MORC1: variants seen among roughly 807,000 people sequenced by gnomAD.
The protein encoded by MORC1 is MORC family CW-type zinc finger 1.
A neutral mutation model predicts 134.9 loss-of-function variants in MORC1; 59 were observed. The observed-to-expected ratio is 0.44, with a 90% CI of 0.35 to 0.54. The LOEUF (loss-of-function observed/expected upper bound fraction) is 0.54, where lower values mean the gene tolerates loss of function less well. Ranked by LOEUF, MORC1 falls within the 20% of genes least tolerant of loss-of-function variation. The pLI is 0.00. For missense variants in MORC1, 947 were observed against 1,134.5 expected (o/e 0.83, Z 2.37); for synonymous variants, 395 against 391.7 (o/e 1.01, Z -0.10).
chr3:109,110,438 G>T, intron 3 of MORC1: 1 of 266,596 alleles, frequency 3.8e-6, no homozygotes, highest in Non-Finnish European at 7.0e-6. Flanking sequence ...ATGAATAACC[G>T]TTAATTTAAT....
chr3:109,065,121 G>A (rs1257174265), intron 9 of MORC1, among the ~76,000 whole-genome samples: 1 of 152,086 alleles, frequency 6.6e-6, no homozygotes, highest in East Asian at 1.9e-4. Context: ...TACAGTAATA[G>A]TATCTATCCT....
intron 17 of MORC1, among the ~76,000 whole-genome samples, chr3:109,027,236 C>T (rs976683543): frequency 3.3e-5 from 5 of 152,142 alleles, no homozygotes; most frequent in Non-Finnish European, 5.9e-5. Flanking sequence ...TTCTTACACT[C>T]GAAATTGTCA....
intron 13 of MORC1, among the ~76,000 whole-genome samples, chr3:109,055,393 A>G (rs1468554860): frequency 1.3e-5 from 2 of 152,244 alleles, no homozygotes; most frequent in South Asian, 2.1e-4. Flanking sequence ...GGTTGGTGAC[A>G]TAACCTGCTT....
chr3:108,999,569 T>C (rs368185681), intron 21 of MORC1, among the ~76,000 whole-genome samples: 157 of 152,374 alleles, frequency 1.0e-3, no homozygotes, highest in African/African-American at 3.7e-3. Context: ...GATATGTCTC[T>C]CATTGGCACA....
In MORC1 at chr3:109,027,994, T is replaced by C. The variant is rs541088898; in HGVS notation, c.1566-105A>G. ...ACAAGGAGTTACTCTTTATGTCATA[T>C]ATCCAAAATTCAAATAGGAAGGAAA... On this transcript the variant is annotated intron_variant, in intron 16 of 27. Transcript: ENST00000232603. 2.9e-4 allele frequency: 350 copies of C among 1,214,572 alleles called. 1 individual carries two copies. The African/African-American group carries it at 4.7e-3, about 16-fold the overall frequency. 75.2% of individuals were successfully genotyped at this position (1,214,572 alleles called of 1,614,324 possible).
At chr3:108,972,392 G>A (rs1291373882) in intron 24 of MORC1, among the ~76,000 whole-genome samples, 1 of 152,080 alleles carries the variant, frequency 6.6e-6, no homozygotes, top group Admixed American at 6.6e-5. Flanking sequence ...AGAGAAAACA[G>A]CTCTTTCTTC....
intron 16 of MORC1, among the ~76,000 whole-genome samples, chr3:109,031,683 A>G (rs976271719): frequency 6.6e-6 from 1 of 152,206 alleles, no homozygotes; most frequent in South Asian, 2.1e-4. Context: ...GAAGAATAGA[A>G]CAGTGTTTTA....
At chr3:109,062,299 T>G (rs1042914134) in intron 10 of MORC1, among the ~76,000 whole-genome samples, 1 of 152,190 alleles carries the variant, frequency 6.6e-6, no homozygotes, top group Non-Finnish European at 1.5e-5. Context: ...TCATGAGTTT[T>G]TAGCTGACAG....
chr3:109,110,186 G>A (rs1265602602), intron 3 of MORC1: 1 of 152,344 alleles, frequency 6.6e-6, no homozygotes, highest in East Asian at 1.9e-4. Flanking sequence ...CAGAACAGCT[G>A]ACAGAAATGT....
chr3:108,975,922 TTTTA>T (rs1947539688), intron 24 of MORC1, among the ~76,000 whole-genome samples: 1 of 152,164 alleles, frequency 6.6e-6, no homozygotes, highest in Admixed American at 6.5e-5. Context: ...TTTAAAAGTA[TTTTA>T]ACATCCAGTA....
At chr3:109,003,627 A>G (rs1948463786) in intron 20 of MORC1, among the ~76,000 whole-genome samples, 1 of 152,202 alleles carries the variant, frequency 6.6e-6, no homozygotes. Flanking sequence ...ATATGATTAT[A>G]AAGTGATAAC....
intron 8 of MORC1, among the ~76,000 whole-genome samples, chr3:109,085,093 T>C (rs533324833): frequency 7.4e-4 from 112 of 152,092 alleles, no homozygotes; most frequent in South Asian, 6.0e-3. Context: ...GAAATTGATC[T>C]GGGCAAAGGG....
intron 14 of MORC1, among the ~76,000 whole-genome samples, chr3:109,036,117 T>A (rs960592437): frequency 6.6e-6 from 1 of 152,128 alleles, no homozygotes; most frequent in African/African-American, 2.4e-5. Context: ...ATAGCATTGC[T>A]CGACTAGTAA....
chr3:109,027,819 C>T lies in MORC1; in HGVS notation c.1636G>A (p.Glu546Lys). The T allele has an allele frequency of 6.2e-7, 1 of 1,613,820 alleles. No homozygotes were observed. Among genetic ancestry groups the T allele is most frequent in the Non-Finnish European group, 8.5e-7 (1 of 1,179,850 alleles). Residue 546 changes from glutamate to lysine, a missense_variant, in exon 17 of 28, where the codon GAG becomes AAG. By Grantham distance (56) the Glu-to-Lys change is moderately conservative (BLOSUM62 1). Coordinates refer to ENST00000232603, the MANE Select transcript of MORC1 (RefSeq NM_014429.4). ...GACTCTCTAAGTTGCTTCTCTTTCT[C>T]ATTTTTTGATGGTGATATTGTGCTC... ...TMSTISPSKN[E>K]KEKQLRESVI...
At chr3:109,014,256 C>A (rs1948764724) in intron 17 of MORC1, among the ~76,000 whole-genome samples, 1 of 152,188 alleles carries the variant, frequency 6.6e-6, no homozygotes, top group African/African-American at 2.4e-5. Context: ...CTAATAGTTA[C>A]ATGTTGACAT....
At chr3:109,046,357 C>T (rs1447298346) in intron 14 of MORC1, among the ~76,000 whole-genome samples, 2 of 152,178 alleles carry the variant, frequency 1.3e-5, no homozygotes, top group Non-Finnish European at 2.9e-5. Flanking sequence ...ATAAATTTGA[C>T]CTTCTTTTTT....
chr3:108,973,092 T>C (rs1321479074), intron 24 of MORC1, among the ~76,000 whole-genome samples: 1 of 152,202 alleles, frequency 6.6e-6, no homozygotes, highest in Non-Finnish European at 1.5e-5. Flanking sequence ...ATAATAGATA[T>C]CTTTAAACAC....
chr3:109,035,509 T>C, intron 14 of MORC1, 41 bp from the exon 15 acceptor site: 1 of 1,141,718 alleles, frequency 8.8e-7, no homozygotes, highest in South Asian at 1.5e-5. Context: ...CAAAAAAAAA[T>C]CATTAAAATC....
At chr3:109,030,156 T>C (rs959984221) in intron 16 of MORC1, among the ~76,000 whole-genome samples, 7 of 152,200 alleles carry the variant, frequency 4.6e-5, no homozygotes, top group African/African-American at 2.4e-5. Flanking sequence ...TCTGTAAATA[T>C]AGACAATGAC....
Sources: gnomAD v4.1 joint callset for allele counts (sites outside exome capture counted in the v4.1 genomes callset) on GRCh38, gnomAD v4.1.1 for gene constraint, MANE v1.5 for transcripts, NCBI Gene and HGNC (gene_info 2026-07-23, HGNC 2026-07-21) for gene names.